Variants in FLT1 observed in about 807,000 individuals in gnomAD.
FLT1 encodes the protein fms related receptor tyrosine kinase 1.
FLT1 carries 49 observed loss-of-function variants against 156.3 expected under a neutral mutation model. That is an observed-to-expected ratio of 0.31 (90% CI 0.25 to 0.40). The LOEUF is 0.40. Ranked by LOEUF, FLT1 falls within the 10% of genes least tolerant of loss-of-function variation. FLT1 has a pLI of 1.00. For missense variants in FLT1, 1,322 were observed against 1,637.2 expected, an observed-to-expected ratio of 0.81 and a Z score of 3.32; for synonymous variants, 594 against 583.8, an observed-to-expected ratio of 1.02 and a Z score of -0.25.
At position 28,302,313 on chromosome 13, in the gene FLT1, TAA is replaced by T. The variant is rs1427614428; in HGVS notation, c.*852_*853del. 8.6e-6 allele frequency: 2 copies of T among 233,216 alleles called. No individual in the cohort carries two copies. The highest frequency in any genetic ancestry group is 2.2e-5 in the African/African-American group (1 of 45,366). 14.4% of individuals were successfully genotyped at this position (233,216 alleles called of 1,614,324 possible). On this transcript the variant is annotated 3_prime_UTR_variant, in exon 30 of 30. Transcript: ENST00000282397. ...GGCCTGGAGACAACCTAACTCTGGC[TAA>T]GTTTTCAGTGCATCTTACTAGAGGA...
intron 12 of FLT1, among the ~76,000 whole-genome samples, chr13:28,393,983 G>A (rs1171970055): frequency 6.6e-6 from 1 of 152,032 alleles, no homozygotes; most frequent in Non-Finnish European, 1.5e-5. Flanking sequence ...TTTTAGACAG[G>A]CACTTTTAAA....
At chr13:28,309,182 A>C (rs1210557690) in intron 27 of FLT1, among the ~76,000 whole-genome samples, 1 of 152,174 alleles carries the variant, frequency 6.6e-6, no homozygotes, top group Non-Finnish European at 1.5e-5. Context: ...TCCGTTGTGA[A>C]ATCAGAGAAT....
chr13:28,413,069 G>T (rs1190002824), intron 10 of FLT1, among the ~76,000 whole-genome samples: 1 of 152,062 alleles, frequency 6.6e-6, no homozygotes, highest in Admixed American at 6.5e-5. Context: ...TGACGCCTTG[G>T]AGCTCATACT....
chr13:28,450,420 G>T (rs776414395), intron 3 of FLT1, among the ~76,000 whole-genome samples: 1 of 152,178 alleles, frequency 6.6e-6, no homozygotes, highest in Non-Finnish European at 1.5e-5. Flanking sequence ...GCTGGCTGGC[G>T]GTTTCTAGGT....
At chr13:28,343,566 C>T (rs1018848262) in intron 16 of FLT1, among the ~76,000 whole-genome samples, 6 of 151,962 alleles carry the variant, frequency 3.9e-5, no homozygotes, top group African/African-American at 1.4e-4. Context: ...TGCCAGGCGT[C>T]CCAAAGTGCT....
At chr13:28,493,224 C>T (rs945668049) in intron 1 of FLT1, among the ~76,000 whole-genome samples, 3 of 152,078 alleles carry the variant, frequency 2.0e-5, no homozygotes, top group Non-Finnish European at 2.9e-5. Flanking sequence ...ACATAATAGT[C>T]GAGTGAGGTA....
chr13:28,371,474 A>T (rs1173361184), intron 14 of FLT1, among the ~76,000 whole-genome samples: 3 of 152,158 alleles, frequency 2.0e-5, no homozygotes, highest in Non-Finnish European at 2.9e-5. Context: ...TGTAGCTGCT[A>T]CCCATCTATG....
chr13:28,352,776 C>T (rs575911010), intron 15 of FLT1, among the ~76,000 whole-genome samples: 5 of 152,164 alleles, frequency 3.3e-5, no homozygotes, highest in Non-Finnish European at 7.3e-5. Context: ...CATATTCATG[C>T]GAATTAGTTT....
At chr13:28,353,991 A>G (rs545949539) in intron 15 of FLT1, among the ~76,000 whole-genome samples, 2 of 152,364 alleles carry the variant, frequency 1.3e-5, no homozygotes, top group Admixed American at 1.3e-4. Flanking sequence ...TCTGTTAAAC[A>G]TAGCCACAGA....
intron 13 of FLT1, chr13:28,386,597 G>C: frequency 9.5e-7 from 1 of 1,055,344 alleles, no homozygotes; most frequent in African/African-American, 1.6e-5. Flanking sequence ...TAAGCAGAAC[G>C]TTACGATATT....
rs1314369573 is a variant in FLT1 at position 28,428,000 on chromosome 13, T to C, written c.1107-79A>G. ...TTTGATAACACGGTCATTGAAGTTT[T>C]TGAGCTCAAGTTGACCAATTTCAAA... On this transcript the variant is annotated intron_variant, in intron 8 of 29. Transcript: ENST00000282397. 6.1e-6 allele frequency: 8 copies of C among 1,310,576 alleles called. No homozygotes were observed. In the Admixed American group the frequency reaches 1.0e-4, roughly 17 times the overall value. The allele number at this position is 1,310,576 out of a possible 1,614,324, so 81.2% of individuals were successfully genotyped here.
chr13:28,408,484 T>C (rs2137498917), intron 10 of FLT1, among the ~76,000 whole-genome samples: 1 of 152,364 alleles, frequency 6.6e-6, no homozygotes, highest in South Asian at 2.1e-4. Context: ...GAATGTCATT[T>C]AGAAGCCTTA....
intron 14 of FLT1, among the ~76,000 whole-genome samples, chr13:28,374,203 C>G (rs1215004444): frequency 6.6e-6 from 1 of 151,628 alleles, no homozygotes; most frequent in Non-Finnish European, 1.5e-5. Flanking sequence ...CATTTTGCCA[C>G]AATTTAAAAA....
In FLT1 at chr13:28,463,586, G is replaced by C. The variant is rs138847225; in HGVS notation, c.388+3317C>G. Among the ~76,000 whole-genome samples, 3 of 152,210 alleles carry C rather than the reference G, an allele frequency of 2.0e-5. No individual in the cohort carries two copies. The East Asian group carries it at 5.8e-4, about 29-fold the overall frequency. On this transcript the variant is annotated intron_variant, in intron 3 of 29. Transcript: ENST00000282397. Reference sequence around the variant, plus strand: ...TGAAATCCCCCAAACATATTCTAAAGTAAATATTCAACAATAATAAATACA... The same window carrying C: ...TGAAATCCCCCAAACATATTCTAAACTAAATATTCAACAATAATAAATACA...
chr13:28,316,919 G>A (rs543860449), intron 25 of FLT1, among the ~76,000 whole-genome samples: 5 of 152,226 alleles, frequency 3.3e-5, no homozygotes, highest in East Asian at 1.9e-4. Context: ...CACTGCGCCC[G>A]GCCCCTATTC....
At chr13:28,393,842 C>T (rs1307627141) in intron 12 of FLT1, among the ~76,000 whole-genome samples, 1 of 152,188 alleles carries the variant, frequency 6.6e-6, no homozygotes, top group Non-Finnish European at 1.5e-5. Flanking sequence ...CCATCTCAGC[C>T]TCCCAAAGTG....
chr13:28,313,889 A>T (rs373335066), intron 25 of FLT1, among the ~76,000 whole-genome samples: 4,720 of 13,242 alleles, frequency 0.36, 94 homozygotes, highest in Middle Eastern at 0.56. Flanking sequence ...ACAGGGAGGT[A>T]AAAAAAAAAA....
chr13:28,485,114 CTAA>C (rs1881076176), intron 1 of FLT1, among the ~76,000 whole-genome samples: 1 of 151,926 alleles, frequency 6.6e-6, no homozygotes, highest in South Asian at 2.1e-4. Context: ...ATTTAAATGC[CTAA>C]TAAATATATA....
chr13:28,372,711 G>A (rs1220816140), intron 14 of FLT1, among the ~76,000 whole-genome samples: 2 of 150,190 alleles, frequency 1.3e-5, no homozygotes, highest in Admixed American at 6.7e-5. Flanking sequence ...GTGAAACCCC[G>A]TCTCTACTAA....
Sources: gnomAD v4.1 joint callset for allele counts (sites outside exome capture counted in the v4.1 genomes callset) on GRCh38, gnomAD v4.1.1 for gene constraint, MANE v1.5 for transcripts, NCBI Gene and HGNC (gene_info 2026-07-23, HGNC 2026-07-21) for gene names.